Variants in KIF2A observed in about 807,000 individuals in gnomAD.
KIF2A encodes kinesin family member 2A.
A neutral mutation model predicts 100.2 loss-of-function variants in KIF2A; 22 were observed. The ratio of observed to expected loss-of-function variants is 0.22; its 90% CI spans 0.16 to 0.31. The LOEUF (loss-of-function observed/expected upper bound fraction) is 0.31, where lower values mean the gene tolerates loss of function less well. Ranked by LOEUF, KIF2A falls within the 10% of genes least tolerant of loss-of-function variation. The probability of loss-of-function intolerance (pLI) is 1.00; values close to 1 mark genes in which losing one functional copy is unlikely to be tolerated. For synonymous variants in KIF2A, 268 were observed against 285.9 expected, an observed-to-expected ratio of 0.94 and a Z score of 0.63; for missense variants, 495 against 898.7, an observed-to-expected ratio of 0.55 and a Z score of 5.74.
chr5:62,355,316 A>G, intron 7 of KIF2A, 62 bp downstream of exon 7: 1 of 833,548 alleles, frequency 1.2e-6, no homozygotes, highest in Non-Finnish European at 2.0e-6. Context: ...AACGTGTTTG[A>G]CACTTGCTAA....
chr5:62,365,975 CTT>C (rs904491999), intron 15 of KIF2A, among the ~76,000 whole-genome samples: 3 of 152,132 alleles, frequency 2.0e-5, no homozygotes, highest in African/African-American at 7.2e-5. Flanking sequence ...CTGGGACAAA[CTT>C]CACTTTTCCA....
rs759876586 is a variant in KIF2A, at chr5:62,388,944, C to G, written c.*3375C>G. ...CTCAGTAAAGCAAAAGCATTATCTT[C>G]TCAAATACAAAAAATACAAAATTCA... On this transcript the variant is annotated 3_prime_UTR_variant, in exon 21 of 21. Coordinates refer to ENST00000407818, the MANE Select transcript of KIF2A (RefSeq NM_001098511.3). 8.8e-6 allele frequency: 13 copies of G among 1,477,168 alleles called. No individual in the cohort carries two copies. Among genetic ancestry groups the G allele is most frequent in the Admixed American group, 1.8e-5 (1 of 54,684 alleles). 91.5% of individuals were successfully genotyped at this position (1,477,168 alleles called of 1,614,324 possible). A position where few individuals can be genotyped will look rare whatever the true frequency, so the allele number is the denominator to read the frequency against.
intron 20 of KIF2A, among the ~76,000 whole-genome samples, chr5:62,383,743 A>G (rs1027210971): frequency 1.3e-5 from 2 of 152,178 alleles, no homozygotes; most frequent in African/African-American, 4.8e-5. Flanking sequence ...ATTCACAATC[A>G]GCTTCTGTAT....
intron 3 of KIF2A, among the ~76,000 whole-genome samples, chr5:62,349,643 G>A (rs1237854237): frequency 1.3e-5 from 2 of 152,154 alleles, no homozygotes; most frequent in African/African-American, 2.4e-5. Flanking sequence ...TGATATTTCA[G>A]TTTAACAAGG....
At chr5:62,357,031 C>G (rs573558132) in intron 7 of KIF2A, among the ~76,000 whole-genome samples, 1 of 151,710 alleles carries the variant, frequency 6.6e-6, no homozygotes, top group East Asian at 1.9e-4. Flanking sequence ...AGTGATCCAC[C>G]CACCTTAGCC....
intron 1 of KIF2A, among the ~76,000 whole-genome samples, chr5:62,317,578 T>C (rs1024075034): frequency 6.6e-5 from 10 of 152,356 alleles, no homozygotes; most frequent in South Asian, 2.1e-4. Flanking sequence ...TACTAATTCA[T>C]TGTAGACTGT....
intron 18 of KIF2A, among the ~76,000 whole-genome samples, chr5:62,376,724 G>GT (rs147819410): frequency 0.044 from 6,588 of 151,356 alleles, 451 homozygotes; most frequent in African/African-American, 0.15. Context: ...CCCAGCCGAA[G>GT]TTTTTTTTTG....
intron 1 of KIF2A, among the ~76,000 whole-genome samples, chr5:62,321,252 A>C (rs1447713654): frequency 6.6e-6 from 1 of 152,170 alleles, no homozygotes; most frequent in Non-Finnish European, 1.5e-5. Flanking sequence ...AAGAACTGAA[A>C]ATTGTTTTCA....
intron 1 of KIF2A, among the ~76,000 whole-genome samples, chr5:62,335,595 G>A (rs902239681): frequency 1.3e-5 from 2 of 152,162 alleles, no homozygotes; most frequent in Non-Finnish European, 2.9e-5. Context: ...AGAACCTGTT[G>A]GAAAGTTGGG....
chr5:62,354,707 ATTTATAC>A (rs894811769), intron 6 of KIF2A, among the ~76,000 whole-genome samples: 1 of 152,136 alleles, frequency 6.6e-6, no homozygotes, highest in African/African-American at 2.4e-5. Context: ...ATGAATCTGT[ATTTATAC>A]TTTGCTGAAA....
intron 7 of KIF2A, among the ~76,000 whole-genome samples, chr5:62,356,191 TTAGA>T (rs1748097328): frequency 6.6e-6 from 1 of 152,250 alleles, no homozygotes; most frequent in Non-Finnish European, 1.5e-5. Flanking sequence ...GACATTTGTG[TTAGA>T]TAGATGTATT....
At position 62,387,689 on chromosome 5, in the gene KIF2A, T is replaced by TAAG. The variant is rs1742101808; in HGVS notation, c.*2121_*2123dup. Reference sequence around the variant, plus strand: ...GAGTTAAATCTTAAAATTTTTACTATAAGGATAGAGATGATACAAGTGAAC... The same window carrying TAAG: ...GAGTTAAATCTTAAAATTTTTACTATAAGAAGGATAGAGATGATACAAGTGAAC... On this transcript the variant is annotated 3_prime_UTR_variant, in exon 21 of 21. Transcript: ENST00000407818. 6.6e-6 allele frequency: 1 copy of TAAG among 152,126 alleles called. No individual in the cohort carries two copies. Among genetic ancestry groups the TAAG allele is most frequent in the Admixed American group, 6.5e-5 (1 of 15,282 alleles). 9.4% of individuals were successfully genotyped at this position (152,126 alleles called of 1,614,324 possible). A position where few individuals can be genotyped will look rare whatever the true frequency, so the allele number is the denominator to read the frequency against.
At chr5:62,337,858 A>G (rs77658163) in intron 1 of KIF2A, among the ~76,000 whole-genome samples, 7,402 of 151,988 alleles carry the variant, frequency 0.049, 574 homozygotes, top group African/African-American at 0.17. Flanking sequence ...ATTGCTGGCC[A>G]GTATCAGTCT....
chr5:62,315,300 CTTTGCCTAGAGATTCT>C (rs1232496359), intron 1 of KIF2A, among the ~76,000 whole-genome samples: 1 of 149,680 alleles, frequency 6.7e-6, no homozygotes, highest in East Asian at 2.0e-4. Flanking sequence ...TATCTGGTTC[CTTTGCCTAGAGATTCT>C]GTCTGGTATG....
At chr5:62,378,491 C>G (rs1199720711) in intron 19 of KIF2A, among the ~76,000 whole-genome samples, 1 of 152,130 alleles carries the variant, frequency 6.6e-6, no homozygotes, top group African/African-American at 2.4e-5. Flanking sequence ...ACTTGTATTC[C>G]TTCTTTGATG....
At chr5:62,309,407 T>C (rs1009547513) in intron 1 of KIF2A, among the ~76,000 whole-genome samples, 1 of 152,182 alleles carries the variant, frequency 6.6e-6, no homozygotes, top group Non-Finnish European at 1.5e-5. Flanking sequence ...GGCAGGAGAT[T>C]AGTAGAGAAC....
intron 15 of KIF2A, among the ~76,000 whole-genome samples, chr5:62,365,719 C>T (rs1214095944): frequency 6.6e-6 from 1 of 152,016 alleles, no homozygotes; most frequent in African/African-American, 2.4e-5. Flanking sequence ...CTGTTATGTT[C>T]TTCTGAAGAT....
intron 1 of KIF2A, among the ~76,000 whole-genome samples, chr5:62,312,868 G>A (rs1428763116): frequency 2.0e-5 from 3 of 152,170 alleles, no homozygotes; most frequent in Admixed American, 6.5e-5. Flanking sequence ...GAGCCTATGA[G>A]TTTGAGGTTA....
chr5:62,308,405 A>G, intron 1 of KIF2A: 5 of 1,303,774 alleles, frequency 3.8e-6, no homozygotes, highest in Non-Finnish European at 5.3e-6. Flanking sequence ...GTATACACCC[A>G]AGGGAGAGGA....
Sources: allele counts gnomAD v4.1 joint callset (sites outside exome capture counted in the v4.1 genomes callset), GRCh38; gene constraint gnomAD v4.1.1; transcripts MANE v1.5; gene names NCBI Gene and HGNC (gene_info 2026-07-23, HGNC 2026-07-21).